Variants in TSHZ3 observed in about 807,000 individuals in gnomAD.
TSHZ3 encodes the protein teashirt zinc finger homeobox 3.
TSHZ3 carries 10 observed loss-of-function variants against 64.5 expected under a neutral mutation model. The observed-to-expected ratio is 0.16, with a 90% CI of 0.10 to 0.26. The LOEUF (loss-of-function observed/expected upper bound fraction) is 0.26, where lower values mean the gene tolerates loss of function less well. Among genes scored for constraint, TSHZ3 ranks in the 10% least tolerant of loss-of-function variants. TSHZ3 has a pLI of 1.00. For synonymous variants in TSHZ3, 608 were observed against 593.1 expected (o/e 1.03, Z -0.36); for missense variants, 1,242 against 1,421.7 (o/e 0.87, Z 2.03).
chr19:31,348,076 A>T (rs531271597), intron 1 of TSHZ3, among the ~76,000 whole-genome samples: 61 of 152,322 alleles, frequency 4.0e-4, no homozygotes, highest in Admixed American at 1.2e-3. Context: ...GGAGCATCTG[A>T]ACCTCTGCAC....
Position 31,319,396 on chromosome 19 carries a change from A to T in TSHZ3, c.40+29784T>A, listed in dbSNP as rs184594819. ...AAAGGTTTCATCAGTAATTTTTTTTAAAAAAAGCTACTCATATATATGAAG... is the reference window on the plus strand; with the variant it reads ...AAAGGTTTCATCAGTAATTTTTTTTTAAAAAAGCTACTCATATATATGAAG... On this transcript the variant is annotated intron_variant, in intron 1 of 1. Coordinates refer to ENST00000240587, the MANE Select transcript of TSHZ3 (RefSeq NM_020856.4). 3.3e-3 allele frequency among the ~76,000 whole-genome samples: 509 copies of T among 152,328 alleles called. 3 individuals carry two copies. The highest frequency in any genetic ancestry group is 0.011 in the African/African-American group (453 of 41,580).
rs562485861 is a variant in TSHZ3 at position 31,153,438 on chromosome 19, G to C, written n.872-1694C>G. 2.1e-4 allele frequency among the ~76,000 whole-genome samples: 32 copies of C among 152,258 alleles called. No individual in the cohort carries two copies. In the South Asian group the frequency reaches 6.4e-3, roughly 31 times the overall value. On this transcript the variant is annotated intron_variant and non_coding_transcript_variant, in intron 6 of 6. Transcript: ENST00000651361. Reference sequence around the variant, plus strand: ...AGTCATTTAAGCTGAGAATAAAATGGATTGCAGTTTTGGCAGAATAAGAAA... The same window carrying C: ...AGTCATTTAAGCTGAGAATAAAATGCATTGCAGTTTTGGCAGAATAAGAAA...
intron 3 of TSHZ3, among the ~76,000 whole-genome samples, chr19:31,233,246 A>G (rs1363506775): frequency 6.6e-6 from 1 of 152,190 alleles, no homozygotes; most frequent in Non-Finnish European, 1.5e-5. Context: ...TGGTCTTGTC[A>G]GTCTGTTTAA....
intron 1 of TSHZ3, among the ~76,000 whole-genome samples, chr19:31,288,265 C>T (rs73035720): frequency 0.084 from 12,771 of 152,214 alleles, 575 homozygotes; most frequent in Non-Finnish European, 0.1. Context: ...TCTGCAGACC[C>T]TCCTGCCCTT....
At chr19:31,295,598 C>T (rs1256243911) in intron 1 of TSHZ3, among the ~76,000 whole-genome samples, 1 of 152,120 alleles carries the variant, frequency 6.6e-6, no homozygotes, top group African/African-American at 2.4e-5. Context: ...GTCAGGACAG[C>T]AGTTACCCTT....
chr19:31,165,774 G>A (rs567767324), intron 5 of TSHZ3, among the ~76,000 whole-genome samples: 3 of 152,294 alleles, frequency 2.0e-5, no homozygotes, highest in Non-Finnish European at 4.4e-5. Flanking sequence ...TAAATTTAAA[G>A]TGACCTAAGG....
chr19:31,289,159 C>T (rs1211439267), intron 1 of TSHZ3, among the ~76,000 whole-genome samples: 1 of 152,202 alleles, frequency 6.6e-6, no homozygotes, highest in Non-Finnish European at 1.5e-5. Context: ...CACACAGCTC[C>T]ACACAGAAGG....
chr19:31,191,376 C>A (rs1450235036), intron 5 of TSHZ3, among the ~76,000 whole-genome samples: 1 of 152,158 alleles, frequency 6.6e-6, no homozygotes, highest in Middle Eastern at 3.4e-3. Flanking sequence ...AGTTATAACA[C>A]AATGGAATGC....
chr19:31,225,419 C>T (rs1975446186), intron 4 of TSHZ3, among the ~76,000 whole-genome samples: 1 of 152,202 alleles, frequency 6.6e-6, no homozygotes, highest in Admixed American at 6.5e-5. Context: ...TGTCACATTG[C>T]CCAACAGTCT....
At chr19:31,303,183 A>C (rs1473280090) in intron 1 of TSHZ3, among the ~76,000 whole-genome samples, 1 of 152,186 alleles carries the variant, frequency 6.6e-6, no homozygotes, top group Non-Finnish European at 1.5e-5. Flanking sequence ...GGTTGACAAC[A>C]TCAGATTCCT....
chr19:31,213,372 A>AAAAAAAAAAC, intron 4 of TSHZ3, among the ~76,000 whole-genome samples: 1 of 141,380 alleles, frequency 7.1e-6, no homozygotes, highest in Admixed American at 7.0e-5. Context: ...AAAAAAAAAA[A>AAAAAAAAAAC]AAAAAAAAAA....
At chr19:31,217,096 G>T (rs1274725539) in intron 4 of TSHZ3, among the ~76,000 whole-genome samples, 1 of 152,092 alleles carries the variant, frequency 6.6e-6, no homozygotes, top group African/African-American at 2.4e-5. Flanking sequence ...ACCGCACCCC[G>T]CCCAGGAGGC....
intron 1 of TSHZ3, among the ~76,000 whole-genome samples, chr19:31,248,143 C>G (rs545243896): frequency 7.9e-5 from 12 of 152,150 alleles, no homozygotes; most frequent in African/African-American, 2.9e-4. Context: ...ACCTCCTGCA[C>G]GATTCACTTA....
chr19:31,335,641 G>A (rs1006409941), intron 1 of TSHZ3, among the ~76,000 whole-genome samples: 10 of 152,170 alleles, frequency 6.6e-5, no homozygotes, highest in Non-Finnish European at 8.8e-5. Context: ...AACCCAAATC[G>A]TCACCTGAAG....
intron 1 of TSHZ3, among the ~76,000 whole-genome samples, chr19:31,341,864 T>C (rs989511403): frequency 3.9e-5 from 6 of 152,196 alleles, no homozygotes; most frequent in Non-Finnish European, 7.3e-5. Flanking sequence ...ATTAGCCACA[T>C]CTTTAAGAAA....
At chr19:31,328,883 C>G (rs1162287281) in intron 1 of TSHZ3, among the ~76,000 whole-genome samples, 12 of 152,196 alleles carry the variant, frequency 7.9e-5, no homozygotes, top group Admixed American at 3.9e-4. Flanking sequence ...TAAGCCATGT[C>G]ACATATCTGC....
At chr19:31,300,469 T>A (rs1222778591) in intron 1 of TSHZ3, among the ~76,000 whole-genome samples, 1 of 152,178 alleles carries the variant, frequency 6.6e-6, no homozygotes, top group East Asian at 1.9e-4. Context: ...ATAGATGAAC[T>A]CAATTCAATG....
intron 1 of TSHZ3, among the ~76,000 whole-genome samples, chr19:31,299,292 G>T (rs1307598582): frequency 6.6e-6 from 1 of 152,186 alleles, no homozygotes; most frequent in African/African-American, 2.4e-5. Context: ...GGTGTGCTTG[G>T]TGAGTCTGTT....
chr19:31,321,851 T>C (rs1444559793), intron 1 of TSHZ3, among the ~76,000 whole-genome samples: 46 of 152,132 alleles, frequency 3.0e-4, no homozygotes, highest in Admixed American at 3.0e-3. Context: ...TTTTTTATAC[T>C]TTAAGTTCTG....
Sources: allele counts gnomAD v4.1 joint callset (sites outside exome capture counted in the v4.1 genomes callset), GRCh38; gene constraint gnomAD v4.1.1; transcripts MANE v1.5; gene names NCBI Gene and HGNC (gene_info 2026-07-23, HGNC 2026-07-21).